Variants in ADGRG7 observed in about 807,000 individuals in gnomAD.
The protein encoded by ADGRG7 is G-protein coupled receptor 128.
A neutral mutation model predicts 88.6 loss-of-function variants in ADGRG7; 82 were observed. The observed-to-expected ratio is 0.93, with a 90% CI of 0.77 to 1.11. ADGRG7 has a LOEUF of 1.11. ADGRG7 is among the 50% of genes most tolerant of loss of function. ADGRG7 has a pLI of 0.00. For synonymous variants in ADGRG7, 381 were observed against 345.2 expected, an observed-to-expected ratio of 1.10 and a Z score of -1.15; for missense variants, 945 against 953.4, an observed-to-expected ratio of 0.99 and a Z score of 0.12.
chr3:100,678,355 G>A (rs1030741492), intron 15 of ADGRG7, among the ~76,000 whole-genome samples: 2 of 151,982 alleles, frequency 1.3e-5, no homozygotes, highest in African/African-American at 4.8e-5. Context: ...AATTTTTGTT[G>A]TGCTTCCTCA....
intron 15 of ADGRG7, among the ~76,000 whole-genome samples, chr3:100,686,185 G>A (rs1432409069): frequency 1.3e-5 from 2 of 151,842 alleles, no homozygotes; most frequent in East Asian, 1.9e-4. Context: ...TTTGAGAAGT[G>A]TCTGTTCATA....
chr3:100,655,984 G>A lies in ADGRG7; in HGVS notation c.1812G>A (p.Arg604=). Reference sequence around the variant, plus strand: ...ATCCACAGTGGGAATTAGACTACCGGCAAGAGAAAATGTGAGTTTATATTT... The same window carrying A: ...ATCCACAGTGGGAATTAGACTACCGACAAGAGAAAATGTGAGTTTATATTT... ...GNNPQWELDY[R]QEKICWLAIP... The change falls in exon 13 of 16, where the codon CGG becomes CGA. Residue 604 remains arginine (R), a synonymous_variant. Coordinates refer to ENST00000273352, the MANE Select transcript of ADGRG7 (RefSeq NM_032787.3). The A allele has an allele frequency of 1.2e-6, 2 of 1,600,338 alleles. No homozygotes were observed. The highest frequency in any genetic ancestry group is 2.2e-5 in the East Asian group (1 of 44,726).
At chr3:100,625,027 T>C (rs1415185498) in intron 1 of ADGRG7, among the ~76,000 whole-genome samples, 1 of 152,230 alleles carries the variant, frequency 6.6e-6, no homozygotes, top group Non-Finnish European at 1.5e-5. Flanking sequence ...AGACTCTTTT[T>C]TGGTTCCATA....
At chr3:100,654,729 T>C in intron 11 of ADGRG7, 106 bp from the exon 12 acceptor site, 1 of 682,428 alleles carries the variant, frequency 1.5e-6, no homozygotes, top group Admixed American at 3.0e-5. Flanking sequence ...GAACTGAACT[T>C]ACATTGGGCA....
Position 100,694,769 on chromosome 3 carries a change from C to G in ADGRG7, c.2162C>G (p.Thr721Ser). ...GGATTGCAAATTTTTATCCTGTACA[C>G]TGTTAGAACAAAAGTCTTCCAGAGT... is the stretch of plus-strand genomic sequence containing the variant. The part of the protein sequence containing the change: ...TQGLQIFILY[T>S]VRTKVFQSEA... Residue 721 changes from threonine to serine, a missense_variant, in exon 16 of 16, where the codon ACT becomes AGT. Physicochemically the swap from Thr to Ser is moderately conservative, Grantham distance 58. Transcript: ENST00000273352. 1 of 1,614,046 alleles carries G rather than the reference C, an allele frequency of 6.2e-7. No homozygotes were observed. Among genetic ancestry groups the G allele is most frequent in the Non-Finnish European group, 8.5e-7 (1 of 1,179,890 alleles).
At chr3:100,665,414 G>A in intron 14 of ADGRG7, 1 of 539,584 alleles carries the variant, frequency 1.9e-6, no homozygotes, top group East Asian at 5.4e-5. Context: ...TTGTGAAAAC[G>A]AAACTTTCTC....
At chr3:100,669,413 TCTC>T (rs1323685198) in intron 15 of ADGRG7, among the ~76,000 whole-genome samples, 4 of 151,626 alleles carry the variant, frequency 2.6e-5, no homozygotes, top group African/African-American at 7.3e-5. Context: ...CCTACTGTAA[TCTC>T]CTCCTGTAGT....
intron 13 of ADGRG7, among the ~76,000 whole-genome samples, chr3:100,659,203 T>C (rs559049707): frequency 7.9e-5 from 12 of 151,518 alleles, no homozygotes; most frequent in Admixed American, 2.0e-4. Flanking sequence ...GAGGCCGAGG[T>C]GGGTGGATCA....
chr3:100,611,272 C>CTTCG (rs1168750502), intron 1 of ADGRG7, among the ~76,000 whole-genome samples: 3 of 139,730 alleles, frequency 2.1e-5, no homozygotes, highest in African/African-American at 7.8e-5. Context: ...TCCTTCCTTC[C>CTTCG]TTCCTTCCTT....
At chr3:100,646,290 G>A in intron 9 of ADGRG7, 182 bp downstream of exon 9, 1 of 632,096 alleles carries the variant, frequency 1.6e-6, no homozygotes, top group East Asian at 2.8e-5. Context: ...GCAGGGATAT[G>A]TTGAATAAAA....
At chr3:100,674,082 G>T (rs1195394958) in intron 15 of ADGRG7, among the ~76,000 whole-genome samples, 1 of 152,128 alleles carries the variant, frequency 6.6e-6, no homozygotes, top group East Asian at 1.9e-4. Flanking sequence ...TGGGTACATT[G>T]TGTCTTTGTT....
Position 100,631,714 on chromosome 3 carries a change from A to G in ADGRG7, c.334+905A>G, listed in dbSNP as rs116792084. On this transcript the variant is annotated intron_variant, in intron 3 of 15. Coordinates refer to ENST00000273352, the MANE Select transcript of ADGRG7 (RefSeq NM_032787.3). ...ATTTTATTTAGATATTTATTTTTGT[A>G]TGTGTCAAGGGAACTCTGAAGCACT... is the stretch of plus-strand genomic sequence containing the variant. Among the ~76,000 whole-genome samples, 945 of 152,284 alleles carry G rather than the reference A, an allele frequency of 6.2e-3. 10 individuals are homozygous for G. Among genetic ancestry groups the G allele is most frequent in the African/African-American group, 0.022 (918 of 41,556 alleles).
intron 15 of ADGRG7, among the ~76,000 whole-genome samples, chr3:100,687,266 G>A (rs982941837): frequency 2.6e-5 from 4 of 152,192 alleles, no homozygotes; most frequent in Non-Finnish European, 5.9e-5. Flanking sequence ...CCAGCTTAAG[G>A]AGATTTTGGG....
chr3:100,694,222 A>G (rs368451362), intron 15 of ADGRG7, among the ~76,000 whole-genome samples: 3 of 152,252 alleles, frequency 2.0e-5, no homozygotes, highest in African/African-American at 4.8e-5. Flanking sequence ...GGAAACATAT[A>G]GAAAATATTA....
chr3:100,616,034 A>G (rs1382460720), intron 1 of ADGRG7, among the ~76,000 whole-genome samples: 1 of 152,200 alleles, frequency 6.6e-6, no homozygotes, highest in East Asian at 1.9e-4. Context: ...CCAGTAATTG[A>G]AACCCCAGGC....
chr3:100,669,533 C>CA lies in ADGRG7; in HGVS notation c.2136+457dup, dbSNP rs59788369. Among the ~76,000 whole-genome samples, 163 of 66,570 alleles carry CA rather than the reference C, an allele frequency of 2.4e-3. 15 individuals carry two copies. The East Asian group carries it at 0.035, about 14-fold the overall frequency. 43.7% of individuals were successfully genotyped at this position (66,570 alleles called of 152,430 possible). ...TGGGCGACAGAGTGAGACTCCATCT[C>CA]AAAAAAAAAAAAAAAAAAAAAAAAA... On this transcript the variant is annotated intron_variant, in intron 15 of 15. Transcript: ENST00000273352.
Position 100,609,824 on chromosome 3 carries a change from C to T in ADGRG7, c.-33C>T, listed in dbSNP as rs372954978. On this transcript the variant is annotated 5_prime_UTR_variant, in exon 1 of 16. Coordinates refer to ENST00000273352, the MANE Select transcript of ADGRG7 (RefSeq NM_032787.3). Reference sequence around the variant, plus strand: ...AGAAGAAAAGAAGCTAGTTATTTCTCACCCAGGAGTGGATTTGTGGTTTGG... The same window carrying T: ...AGAAGAAAAGAAGCTAGTTATTTCTTACCCAGGAGTGGATTTGTGGTTTGG... 6.0e-6 allele frequency: 9 copies of T among 1,498,410 alleles called. No individual in the cohort carries two copies. Among genetic ancestry groups the T allele is most frequent in the Non-Finnish European group, 6.5e-6 (7 of 1,075,806 alleles). 92.8% of individuals were successfully genotyped at this position (1,498,410 alleles called of 1,614,324 possible).
At chr3:100,632,010 A>G (rs1042626612) in intron 3 of ADGRG7, among the ~76,000 whole-genome samples, 1 of 152,164 alleles carries the variant, frequency 6.6e-6, no homozygotes, top group Admixed American at 6.6e-5. Context: ...GACACTATAT[A>G]TACTATATAT....
intron 15 of ADGRG7, among the ~76,000 whole-genome samples, chr3:100,683,538 C>A (rs750940030): frequency 6.6e-6 from 1 of 152,232 alleles, no homozygotes; most frequent in Admixed American, 6.5e-5. Context: ...CCTGCCCCAC[C>A]GCAGCTGGCA....
Sources: allele counts gnomAD v4.1 joint callset (sites outside exome capture counted in the v4.1 genomes callset), GRCh38; gene constraint gnomAD v4.1.1; transcripts MANE v1.5; gene names NCBI Gene and HGNC (gene_info 2026-07-23, HGNC 2026-07-21).